The following AP5Z1 variants were observed in gnomAD, a reference collection of about 807,000 sequenced individuals.
AP5Z1 encodes adaptor related protein complex 5 subunit zeta 1, also known as AP-5 complex subunit zeta-1.
In AP5Z1, 106 loss-of-function variants were observed where a neutral mutation model predicts 83.0. The observed-to-expected ratio is 1.28, with a 90% CI of 1.09 to 1.50. AP5Z1 has a LOEUF of 1.50. Ranked by LOEUF, AP5Z1 falls within the 40% of genes most tolerant of loss-of-function variation. The pLI, the probability that AP5Z1 is intolerant of heterozygous loss-of-function variation, is 0.00. For synonymous variants in AP5Z1, 751 were observed against 514.1 expected, an observed-to-expected ratio of 1.46 and a Z score of -6.23; for missense variants, 1,565 against 1,094.2, an observed-to-expected ratio of 1.43 and a Z score of -6.07.
In AP5Z1 at chr7:4,781,632, C is replaced by T. The variant is rs771206085; in HGVS notation, c.244C>T (p.Leu82Phe). 6.2e-6 allele frequency: 10 copies of T among 1,607,726 alleles called. No homozygotes were observed. The highest frequency in any genetic ancestry group is 8.5e-6 in the Non-Finnish European group (10 of 1,175,828). The change falls in exon 3 of 17, where the codon CTC becomes TTC. Residue 82 changes from leucine to phenylalanine, a missense_variant. Coordinates refer to ENST00000649063, the MANE Select transcript of AP5Z1 (RefSeq NM_014855.3). ...TLGLPACPEQ[L>F]QVLCAAILRE... The stretch of plus-strand genomic sequence containing the variant: ...CGGCCTGCCTGCATGCCCCGAGCAG[C>T]TCCAGGTGCTTTGCGCCGCCATCCT...
intron 4 of AP5Z1, 25 bp downstream of exon 4, chr7:4,783,485 C>G (rs950234001): frequency 6.3e-7 from 1 of 1,598,446 alleles, no homozygotes; most frequent in Non-Finnish European, 8.5e-7. Context: ...TCCCAAGAGG[C>G]TGTTGGGGGT....
Position 4,791,381 on chromosome 7 carries a change from G to T in AP5Z1, c.2420G>T (p.Gly807Val). ...GAGAGGGAGGCCGGCCTCATGCCAG[G>T]GTGAAGGGACAGTGGCCAGGGACTT... ...LVEREAGLMP[G>V] Residue 807 changes from glycine to valine, a missense_variant, in exon 17 of 17, where the codon GGG becomes GTG. Coordinates refer to ENST00000649063, the MANE Select transcript of AP5Z1 (RefSeq NM_014855.3). The T allele has an allele frequency of 1.2e-6, 2 of 1,604,706 alleles. No homozygotes were observed. Among genetic ancestry groups the T allele is most frequent in the Non-Finnish European group, 1.7e-6 (2 of 1,176,056 alleles).
intron 3 of AP5Z1, 139 bp from the exon 4 acceptor site, chr7:4,783,177 G>C (rs1043330809): frequency 2.3e-6 from 3 of 1,325,858 alleles, no homozygotes; most frequent in Non-Finnish European, 3.0e-6. Context: ...GGGCCTGCGC[G>C]GGACATCCTC....
chr7:4,791,336 G>A lies in AP5Z1; in HGVS notation c.2375G>A (p.Arg792His), dbSNP rs201677317. ...DANTALPLAL[R>H]TVSRLVEREA... is the part of the protein sequence containing the mutation. The stretch of plus-strand genomic sequence containing the variant: ...AACACGGCCCTGCCCCTGGCCCTGC[G>A]CACGGTCAGCCGGCTGGTGGAGAGG... The change falls in exon 17 of 17, where the codon CGC (arginine) becomes CAC (histidine). Residue 792 changes from arginine (R) to histidine (H), a missense_variant. Coordinates refer to ENST00000649063, the MANE Select transcript of AP5Z1 (RefSeq NM_014855.3). 313 of 1,609,964 alleles carry A rather than the reference G, an allele frequency of 1.9e-4. No homozygotes were observed. Among genetic ancestry groups the A allele is most frequent in the East Asian group, 5.4e-4 (24 of 44,728 alleles).
chr7:4,784,874 A>C (rs1387677029), intron 6 of AP5Z1, 34 bp from the exon 7 acceptor site: 2 of 1,594,152 alleles, frequency 1.3e-6, no homozygotes, highest in Admixed American at 3.4e-5. Flanking sequence ...CGGGAGCCAC[A>C]CGTCAGCCTG....
chr7:4,784,836 C>T (rs945554945), intron 6 of AP5Z1, 72 bp from the exon 7 acceptor site: 13 of 1,525,072 alleles, frequency 8.5e-6, no homozygotes, highest in African/African-American at 8.2e-5. Flanking sequence ...CCTGCCCTTC[C>T]AAGCAGGGCA....
rs1248222582 is a variant in AP5Z1, at chr7:4,790,856, C to T, written c.2122C>T (p.Leu708=). 3.7e-6 allele frequency: 6 copies of T among 1,607,518 alleles called. No individual in the cohort carries two copies. Among genetic ancestry groups the T allele is most frequent in the Middle Eastern group, 1.7e-4 (1 of 6,050 alleles). ...VTVLMTTLTK[L]ASRSQDLIPR... is the part of the protein sequence containing the mutation. Reference sequence around the variant, plus strand: ...CGTGCTGATGACCACGCTGACGAAGCTGGCCTCCCGGAGCCAAGATCTGAT... The same window carrying T: ...CGTGCTGATGACCACGCTGACGAAGTTGGCCTCCCGGAGCCAAGATCTGAT... The change falls in exon 16 of 17, where the codon CTG becomes TTG. Residue 708 remains leucine, a synonymous_variant. Coordinates refer to ENST00000649063, the MANE Select transcript of AP5Z1 (RefSeq NM_014855.3).
chr7:4,789,683 G>C, intron 13 of AP5Z1, 149 bp from the exon 14 acceptor site: 2 of 590,978 alleles, frequency 3.4e-6, no homozygotes, highest in South Asian at 4.7e-5. Context: ...TGCCAGCTGA[G>C]TCTCTGTGTC....
intron 1 of AP5Z1, among the ~76,000 whole-genome samples, chr7:4,777,998 C>T (rs1248746288): frequency 1.3e-5 from 2 of 152,220 alleles, no homozygotes; most frequent in Non-Finnish European, 1.5e-5. Context: ...TTAGGAGGAT[C>T]GCTTGAGGCT....
At chr7:4,789,236 CG>C (rs1562412868) in intron 13 of AP5Z1, among the ~76,000 whole-genome samples, 4 of 152,108 alleles carry the variant, frequency 2.6e-5, no homozygotes. Flanking sequence ...CCCTTCATCC[CG>C]GCAGGTCCTG....
In AP5Z1 at chr7:4,792,889, C is replaced by T. The variant is rs1781830299; in HGVS notation, c.*1504C>T. On this transcript the variant is annotated 3_prime_UTR_variant, in exon 17 of 17. Coordinates refer to ENST00000649063, the MANE Select transcript of AP5Z1 (RefSeq NM_014855.3). The stretch of plus-strand genomic sequence containing the variant: ...GTGTGGGGGCGCTGCTGGGCTCATC[C>T]CGAAGCTCAGAGAGCGTGGGGCTGC... 6.6e-6 allele frequency: 1 copy of T among 152,370 alleles called. No homozygotes were observed. Among genetic ancestry groups the T allele is most frequent in the Non-Finnish European group, 1.5e-5 (1 of 68,104 alleles). 9.4% of individuals were successfully genotyped at this position (152,370 alleles called of 1,614,324 possible). A position where few individuals can be genotyped will look rare whatever the true frequency, so the allele number is the denominator to read the frequency against.
rs73305389 is a variant in AP5Z1 at position 4,789,161 on chromosome 7, G to A, written c.1707+210G>A. ...CATCCCCTTTATTCCAGCAGGCCCC[G>A]TTCCCCAGTCCCCGTCCCATCCCCT... On this transcript the variant is annotated intron_variant, in intron 13 of 16. Coordinates refer to ENST00000649063, the MANE Select transcript of AP5Z1 (RefSeq NM_014855.3). 0.011 allele frequency: 5,614 copies of A among 525,172 alleles called. 266 individuals are homozygous for A. The highest frequency in any genetic ancestry group is 0.099 in the African/African-American group (5,042 of 50,840). 32.5% of individuals were successfully genotyped at this position (525,172 alleles called of 1,614,324 possible). A position where few individuals can be genotyped will look rare whatever the true frequency, so the allele number is the denominator to read the frequency against.
chr7:4,781,652 C>T lies in AP5Z1; in HGVS notation c.264C>T (p.Ala88=). The change falls in exon 3 of 17, where the codon GCC becomes GCT. Residue 88 remains alanine, a synonymous_variant. Coordinates refer to ENST00000649063, the MANE Select transcript of AP5Z1 (RefSeq NM_014855.3). ...AGCAGCTCCAGGTGCTTTGCGCCGCCATCCTGCGAGAGATGTCCCCCTCTG... is the reference window on the plus strand; with the variant it reads ...AGCAGCTCCAGGTGCTTTGCGCCGCTATCCTGCGAGAGATGTCCCCCTCTG... ...CPEQLQVLCA[A]ILREMSPSDS... 1 of 1,606,316 alleles carries T rather than the reference C, an allele frequency of 6.2e-7. No individual in the cohort carries two copies. Among genetic ancestry groups the T allele is most frequent in the Non-Finnish European group, 8.5e-7 (1 of 1,174,506 alleles).
At position 4,790,696 on chromosome 7, in the gene AP5Z1, G is replaced by A. The variant is rs763179871; in HGVS notation, c.1962G>A (p.Leu654=). 10 of 1,611,700 alleles carry A rather than the reference G, an allele frequency of 6.2e-6. No individual in the cohort carries two copies. Among genetic ancestry groups the A allele is most frequent in the East Asian group, 4.5e-5 (2 of 44,864 alleles). The change falls in exon 16 of 17, where the codon CTG becomes CTA. Residue 654 remains leucine (L), a synonymous_variant. Coordinates refer to ENST00000649063, the MANE Select transcript of AP5Z1 (RefSeq NM_014855.3). ...TSVVWAIGEY[L]SVTYDRRCTV... ...AGGTGTGGGCCATCGGCGAGTACCT[G>A]TCGGTGACCTACGATCGGAGGTGCA...
In AP5Z1 at chr7:4,793,875, G is replaced by C. The variant is rs150684624; in HGVS notation, c.*2490G>C. The C allele has an allele frequency of 8.0e-3, 1,224 of 153,128 alleles. 8 individuals carry two copies. Among genetic ancestry groups the C allele is most frequent in the Non-Finnish European group, 0.013 (892 of 68,620 alleles). The allele number at this position is 153,128 out of a possible 1,614,324, so 9.5% of individuals were successfully genotyped here. A position where few individuals can be genotyped will look rare whatever the true frequency, so the allele number is the denominator to read the frequency against. ...ACCCAAGGGCTGAGGAGTGCCTTTG[G>C]AGCAGGGCACGGGACTGGCAGGCAG... On this transcript the variant is annotated 3_prime_UTR_variant, in exon 17 of 17. Coordinates refer to ENST00000649063, the MANE Select transcript of AP5Z1 (RefSeq NM_014855.3).
rs778174357 is a variant in AP5Z1 at position 4,785,411 on chromosome 7, C to A, written c.932-4C>A. On this transcript the variant is annotated splice_polypyrimidine_tract_variant and splice_region_variant and intron_variant, in intron 7 of 16. Transcript: ENST00000649063. ...AGCCGGCTGACTTTTTCCCCTCCTT[C>A]CAGGAGCCCTGAGGAAGGGGGACTC... The A allele has an allele frequency of 1.2e-6, 2 of 1,612,896 alleles. No individual in the cohort carries two copies. The highest frequency in any genetic ancestry group is 2.7e-5 in the African/African-American group (2 of 74,928).
Position 4,785,662 on chromosome 7 carries a change from C to T in AP5Z1, c.1110C>T (p.Leu370=), listed in dbSNP as rs756954352. ...DPASVRVLLP[L]AHFFLSHGEA... ...CCTCTGTGCGGGTGCTGCTGCCCCTCGCCCACTTCTTCCTGAGCCACGGTG... is the reference window on the plus strand; with the variant it reads ...CCTCTGTGCGGGTGCTGCTGCCCCTTGCCCACTTCTTCCTGAGCCACGGTG... Residue 370 remains leucine (L), a synonymous_variant, in exon 9 of 17, where the codon CTC becomes CTT. Transcript: ENST00000649063. 29 of 1,544,640 alleles carry T rather than the reference C, an allele frequency of 1.9e-5. No individual in the cohort carries two copies. The highest frequency in any genetic ancestry group is 1.4e-4 in the East Asian group (6 of 42,234).
intron 3 of AP5Z1, among the ~76,000 whole-genome samples, chr7:4,783,055 G>A (rs1457675693): frequency 2.0e-5 from 3 of 152,234 alleles, no homozygotes; most frequent in Non-Finnish European, 4.4e-5. Flanking sequence ...GGCCGCCAGT[G>A]TGTTTTTAGC....
rs115452328 is a variant in AP5Z1 at position 4,793,886 on chromosome 7, G to A, written c.*2501G>A. 0.018 allele frequency: 2,772 copies of A among 152,716 alleles called. 79 individuals are homozygous for A. The highest frequency in any genetic ancestry group is 0.062 in the African/African-American group (2,583 of 41,580). 9.5% of individuals were successfully genotyped at this position (152,716 alleles called of 1,614,324 possible). ...GAGGAGTGCCTTTGGAGCAGGGCACGGGACTGGCAGGCAGCTCTACCTGCA... is the reference window on the plus strand; with the variant it reads ...GAGGAGTGCCTTTGGAGCAGGGCACAGGACTGGCAGGCAGCTCTACCTGCA... On this transcript the variant is annotated 3_prime_UTR_variant, in exon 17 of 17. Coordinates refer to ENST00000649063, the MANE Select transcript of AP5Z1 (RefSeq NM_014855.3).
Sources: allele counts gnomAD v4.1 joint callset (sites outside exome capture counted in the v4.1 genomes callset), GRCh38; gene constraint gnomAD v4.1.1; transcripts MANE v1.5; gene names NCBI Gene and HGNC (gene_info 2026-07-23, HGNC 2026-07-21).